C1GALT1: variants seen among roughly 807,000 people sequenced by gnomAD.
C1GALT1 encodes the protein glycoprotein-N-acetylgalactosamine 3-beta-galactosyltransferase 1.
Under a neutral mutation model 31.0 loss-of-function variants are expected in C1GALT1, and 11 were observed. That is an observed-to-expected ratio of 0.36 (90% CI 0.22 to 0.59). The LOEUF is 0.59. Ranked by LOEUF, C1GALT1 falls within the 20% of genes least tolerant of loss-of-function variation. The pLI is 0.79. For synonymous variants in C1GALT1, 175 were observed against 143.6 expected (o/e 1.22, Z -1.56); for missense variants, 424 against 425.2 (o/e 1.00, Z 0.03).
At chr7:7,228,471 G>A (rs1782901871) in intron 1 of C1GALT1, among the ~76,000 whole-genome samples, 1 of 152,088 alleles carries the variant, frequency 6.6e-6, no homozygotes, top group Admixed American at 6.5e-5. Context: ...CTCATAATGT[G>A]CAGTGTGGTT....
chr7:7,224,269 T>G (rs984023577), intron 1 of C1GALT1, among the ~76,000 whole-genome samples: 2 of 148,392 alleles, frequency 1.3e-5, no homozygotes, highest in Non-Finnish European at 3.0e-5. Flanking sequence ...TTTTTTTTGG[T>G]TTTTTTTTTG....
At chr7:7,186,837 C>T (rs1185739173) in intron 1 of C1GALT1, among the ~76,000 whole-genome samples, 1 of 152,116 alleles carries the variant, frequency 6.6e-6, no homozygotes, top group Non-Finnish European at 1.5e-5. Flanking sequence ...ACAAAAACAC[C>T]AAATACTGGG....
upstream of C1GALT1, chr7:7,178,253 C>A: frequency 8.7e-6 from 2 of 229,692 alleles, no homozygotes; most frequent in Non-Finnish European, 9.7e-6. Flanking sequence ...GACCTGTTGG[C>A]GAGCCATGAA....
intron 2 of C1GALT1, among the ~76,000 whole-genome samples, chr7:7,176,897 A>C (rs905244027): frequency 3.9e-5 from 6 of 152,222 alleles, no homozygotes; most frequent in Admixed American, 2.6e-4. Context: ...TCTGTCTAAA[A>C]GCACAATGTT....
chr7:7,211,252 C>T (rs1334861564), intron 1 of C1GALT1, among the ~76,000 whole-genome samples: 2 of 152,098 alleles, frequency 1.3e-5, no homozygotes, highest in Non-Finnish European at 2.9e-5. Flanking sequence ...AGGAGTTAAC[C>T]AATTCCTTAA....
chr7:7,225,160 C>T (rs907458451), intron 1 of C1GALT1, among the ~76,000 whole-genome samples: 4 of 151,964 alleles, frequency 2.6e-5, no homozygotes, highest in African/African-American at 9.7e-5. Flanking sequence ...GTTTATTGTG[C>T]TCTTTTTGTT....
At chr7:7,178,809 C>T (rs1780536370), upstream of C1GALT1, among the ~76,000 whole-genome samples, 1 of 152,186 alleles carries the variant, frequency 6.6e-6, no homozygotes, top group Non-Finnish European at 1.5e-5. Context: ...TTATATCCAG[C>T]TGTATGAGTT....
At chr7:7,199,274 TC>T (rs1384384362) in intron 1 of C1GALT1, among the ~76,000 whole-genome samples, 3 of 152,252 alleles carry the variant, frequency 2.0e-5, no homozygotes, top group African/African-American at 7.2e-5. Flanking sequence ...ATCTTTTATT[TC>T]TGCCTTCATT....
chr7:7,197,781 T>G (rs10273366), intron 1 of C1GALT1, among the ~76,000 whole-genome samples: 47,000 of 151,928 alleles, frequency 0.31, 8,964 homozygotes, highest in East Asian at 0.53. Context: ...TGGATTCCTA[T>G]GTATTTTATT....
chr7:7,193,843 C>T (rs958474668), intron 1 of C1GALT1, among the ~76,000 whole-genome samples: 1 of 152,028 alleles, frequency 6.6e-6, no homozygotes, highest in African/African-American at 2.4e-5. Flanking sequence ...GTGTCATTTT[C>T]AATTTCTTTC....
At chr7:7,184,835 A>G (rs1380915644) in intron 1 of C1GALT1, among the ~76,000 whole-genome samples, 1 of 152,228 alleles carries the variant, frequency 6.6e-6, no homozygotes, top group Admixed American at 6.5e-5. Context: ...CTGATGTACA[A>G]ACTATAGCAA....
chr7:7,173,300 C>T (rs1363704208), intron 2 of C1GALT1, among the ~76,000 whole-genome samples: 1 of 151,824 alleles, frequency 6.6e-6, no homozygotes, highest in Non-Finnish European at 1.5e-5. Flanking sequence ...GCTTGCTCTC[C>T]CTTCACCTTC....
intron 1 of C1GALT1, among the ~76,000 whole-genome samples, chr7:7,226,367 T>A (rs1026927674): frequency 7.1e-4 from 103 of 146,040 alleles, no homozygotes; most frequent in Non-Finnish European, 9.1e-4. Context: ...TGTTAAAATT[T>A]AAAAAAAAAA....
intron 1 of C1GALT1, among the ~76,000 whole-genome samples, chr7:7,205,219 G>A (rs1305224891): frequency 1.3e-5 from 2 of 152,010 alleles, no homozygotes; most frequent in Non-Finnish European, 2.9e-5. Flanking sequence ...TTATATAGCT[G>A]ACCCCTGAAC....
At chr7:7,231,190 G>A (rs1460622846) in intron 1 of C1GALT1, among the ~76,000 whole-genome samples, 1 of 152,088 alleles carries the variant, frequency 6.6e-6, no homozygotes, top group East Asian at 1.9e-4. Flanking sequence ...CTGCAGTCTT[G>A]ATTCTGTTGT....
intron 1 of C1GALT1, among the ~76,000 whole-genome samples, chr7:7,227,678 C>G (rs542629700): frequency 6.7e-6 from 1 of 150,372 alleles, no homozygotes; most frequent in Non-Finnish European, 1.5e-5. Flanking sequence ...CGAGATCCCG[C>G]CACTGCACTC....
At chr7:7,161,399 T>C (rs892197234) in intron 2 of C1GALT1, among the ~76,000 whole-genome samples, 3 of 152,172 alleles carry the variant, frequency 2.0e-5, no homozygotes, top group African/African-American at 7.2e-5. Context: ...TGAATAACTT[T>C]ACATTTGCTA....
At chr7:7,204,919 A>G (rs941148385) in intron 1 of C1GALT1, among the ~76,000 whole-genome samples, 2 of 152,304 alleles carry the variant, frequency 1.3e-5, no homozygotes, top group South Asian at 4.1e-4. Context: ...TGTCTTTTAA[A>G]ATCTATTAAC....
At position 7,183,092 on chromosome 7, in the gene C1GALT1, G is replaced by T. The variant is rs183328445; in HGVS notation, c.-18+272G>T. On this transcript the variant is annotated intron_variant, in intron 1 of 3. Coordinates refer to ENST00000436587, the MANE Select transcript of C1GALT1 (RefSeq NM_020156.5). The stretch of plus-strand genomic sequence containing the variant: ...GTGGACATGTACCCTCCTCTTCGTC[G>T]TGGGTCCTTCCCTTGTGCCCGCTCG... 8.4e-4 allele frequency among the ~76,000 whole-genome samples: 128 copies of T among 152,226 alleles called. 1 individual carries two copies. The highest frequency in any genetic ancestry group is 2.7e-3 in the African/African-American group (114 of 41,560).
Sources: gnomAD v4.1 joint callset for allele counts (sites outside exome capture counted in the v4.1 genomes callset) on GRCh38, gnomAD v4.1.1 for gene constraint, MANE v1.5 for transcripts, NCBI Gene and HGNC (gene_info 2026-07-23, HGNC 2026-07-21) for gene names.